Variants in GART observed in about 807,000 individuals in gnomAD.
GART encodes the protein trifunctional purine biosynthetic protein adenosine-3.
A neutral mutation model predicts 107.2 loss-of-function variants in GART; 43 were observed. That is an observed-to-expected ratio of 0.40 (90% CI 0.31 to 0.52). The LOEUF (loss-of-function observed/expected upper bound fraction) is 0.52, where lower values mean the gene tolerates loss of function less well. GART is among the 20% of genes least tolerant of loss of function. The pLI is 0.52. For synonymous variants in GART, 434 were observed against 427.0 expected, an observed-to-expected ratio of 1.02 and a Z score of -0.20; for missense variants, 1,107 against 1,206.5, an observed-to-expected ratio of 0.92 and a Z score of 1.22.
chr21:33,528,149 T>C lies in GART; in HGVS notation c.1066+18A>G, dbSNP rs760325092. The C allele has an allele frequency of 2.5e-6, 4 of 1,611,428 alleles. No individual in the cohort carries two copies. In the South Asian group the frequency reaches 4.4e-5, roughly 18 times the overall value. The stretch of plus-strand genomic sequence containing the variant: ...ACTTGTCACGTTGTACTCCAACCTC[T>C]TGCTCCCTGACACTCACCTGTTATC... On this transcript the variant is annotated intron_variant, in intron 10 of 21. Transcript: ENST00000381815.
intron 2 of GART, among the ~76,000 whole-genome samples, chr21:33,537,545 C>T (rs1181545602): frequency 3.3e-5 from 5 of 152,158 alleles, no homozygotes; most frequent in Non-Finnish European, 5.9e-5. Context: ...TAAACACAGA[C>T]ATTCATGATC....
intron 16 of GART, among the ~76,000 whole-genome samples, chr21:33,515,631 C>T (rs1487557785): frequency 5.1e-5 from 6 of 118,478 alleles, no homozygotes; most frequent in Admixed American, 2.4e-4. Context: ...TCCAGCCTGG[C>T]GACAGAGCAA....
At chr21:33,527,881 G>C (rs1013329889) in intron 10 of GART, among the ~76,000 whole-genome samples, 3 of 151,978 alleles carry the variant, frequency 2.0e-5, no homozygotes, top group Non-Finnish European at 2.9e-5. Context: ...TATTACCCTG[G>C]CTCTAGGCAG....
intron 1 of GART, among the ~76,000 whole-genome samples, chr21:33,541,782 G>A (rs115281929): frequency 2.0e-5 from 3 of 152,204 alleles, no homozygotes; most frequent in East Asian, 1.9e-4. Context: ...AGAGACAACG[G>A]GTGCATAAAG....
intron 10 of GART, 68 bp downstream of exon 10, chr21:33,528,099 G>C (rs1193658570): frequency 6.2e-6 from 9 of 1,447,620 alleles, no homozygotes; most frequent in Non-Finnish European, 8.7e-6. Flanking sequence ...CTTAGTGTGA[G>C]AGGGGGGTCT....
At position 33,534,678 on chromosome 21, in the gene GART, C is replaced by G; in HGVS notation, c.317G>C (p.Ser106Thr). 6.2e-7 allele frequency: 1 copy of G among 1,613,694 alleles called. No individual in the cohort carries two copies. The highest frequency in any genetic ancestry group is 8.5e-7 in the Non-Finnish European group (1 of 1,179,798). ...PTAEAAQLES[S>T]KRFAKEFMDR... ...CATAAACTCTTTGGCAAACCTTTTG[C>G]TGGACTCTAACTGAGCCGCTTCTGC... The change falls in exon 4 of 22, where the codon AGC becomes ACC. Residue 106 changes from serine (S) to threonine (T), a missense_variant. Ser to Thr is a moderately conservative substitution (Grantham distance 58). Transcript: ENST00000381815.
intron 8 of GART, 29 bp from the exon 9 acceptor site, chr21:33,528,633 G>T: frequency 1.3e-6 from 1 of 747,954 alleles, no homozygotes; most frequent in Non-Finnish European, 1.9e-6. Flanking sequence ...AAAAAAAAAA[G>T]AGAGAAAGAA....
rs748705223 is a variant in GART at position 33,522,273 on chromosome 21, A to G, written c.1308T>C (p.Thr436=). 1.1e-5 allele frequency: 17 copies of G among 1,611,366 alleles called. No individual in the cohort carries two copies. The South Asian group carries it at 1.9e-4, about 18-fold the overall frequency. The change falls in exon 12 of 22, where the codon ACT becomes ACC. Residue 436 remains threonine, a synonymous_variant. Transcript: ENST00000381815. ...IAFLQQPRSL[T]YKESGVDIAA... ...CGATATCTACTCCAGATTCCTTGTA[A>G]GTCAAACTCCTAAAGAATTAAAAAC...
chr21:33,520,612 G>A lies in GART; in HGVS notation c.1504-50C>T, dbSNP rs1387116193. 6 of 1,501,176 alleles carry A rather than the reference G, an allele frequency of 4.0e-6. No individual in the cohort carries two copies. In the Admixed American group the frequency reaches 8.9e-5, roughly 22 times the overall value. The allele number at this position is 1,501,176 out of a possible 1,614,324, so 93.0% of individuals were successfully genotyped here. ...CACATTAGGGAATAAGTTCAAAATT[G>A]TATCTTATCCATTTGATTAGCTGCT... On this transcript the variant is annotated intron_variant, in intron 13 of 21. Transcript: ENST00000381815.
At chr21:33,511,107 C>T in intron 17 of GART, 145 bp downstream of exon 17, 1 of 778,642 alleles carries the variant, frequency 1.3e-6, no homozygotes, top group Non-Finnish European at 2.2e-6. Context: ...GGGGTGGGTG[C>T]TGTCATGTTA....
rs35083461 is a variant in GART, at chr21:33,525,084, CTTTTT to C, written c.1067-89_1067-85del. On this transcript the variant is annotated intron_variant, in intron 10 of 21. Coordinates refer to ENST00000381815, the MANE Select transcript of GART (RefSeq NM_000819.5). ...AGTGATTTACGATTTCCACAAGTTT[CTTTTT>C]TTTTTTTTTTAACTTGGCTAGGTGC... 50 of 1,364,890 alleles carry C rather than the reference CTTTTT, an allele frequency of 3.7e-5. No individual in the cohort carries two copies. The African/African-American group carries it at 4.9e-4, about 13-fold the overall frequency. The allele number at this position is 1,364,890 out of a possible 1,614,324, so 84.5% of individuals were successfully genotyped here.
At position 33,517,019 on chromosome 21, in the gene GART, C is replaced by T; in HGVS notation, c.2077G>A (p.Val693Ile). ...GGGLLENIPR[V>I]LPEKLGVDLD... ...TCTACCCCAAGTTTCTCAGGGAGGA[C>T]TCTGGGGATGTTCTCTAGTAATCCT... Residue 693 changes from valine (V) to isoleucine (I), a missense_variant, in exon 16 of 22, where the codon GTC becomes ATC. Val to Ile is a conservative substitution (Grantham distance 29, BLOSUM62 3). Transcript: ENST00000381815. The T allele has an allele frequency of 1.9e-6, 3 of 1,612,158 alleles. No individual in the cohort carries two copies. Among genetic ancestry groups the T allele is most frequent in the Non-Finnish European group, 2.5e-6 (3 of 1,179,476 alleles).
At chr21:33,506,213 G>T in intron 18 of GART, 109 bp from the exon 19 acceptor site, 1 of 1,221,806 alleles carries the variant, frequency 8.2e-7, no homozygotes, top group South Asian at 1.6e-5. Flanking sequence ...CCACGATCTG[G>T]GTTCACTGCA....
intron 7 of GART, 185 bp downstream of exon 7, chr21:33,530,574 A>G (rs773794365): frequency 2.9e-4 from 147 of 506,010 alleles, no homozygotes; most frequent in Non-Finnish European, 3.9e-4. Flanking sequence ...TAGTTCTTCA[A>G]AAAAGGCTTT....
chr21:33,512,192 G>A (rs1385198332), intron 16 of GART, among the ~76,000 whole-genome samples: 1 of 149,488 alleles, frequency 6.7e-6, no homozygotes, highest in African/African-American at 2.5e-5. Context: ...GCTGAGGCAG[G>A]AGAATCACTT....
intron 13 of GART, 58 bp from the exon 14 acceptor site, chr21:33,520,620 T>C (rs1321197884): frequency 1.4e-6 from 2 of 1,451,700 alleles, no homozygotes; most frequent in Admixed American, 3.7e-5. Flanking sequence ...TTGTATCTTA[T>C]CCATTTGATT....
At chr21:33,536,891 T>G (rs1601230928) in intron 2 of GART, among the ~76,000 whole-genome samples, 1 of 152,340 alleles carries the variant, frequency 6.6e-6, no homozygotes, top group East Asian at 1.9e-4. Flanking sequence ...ATTTTCCATT[T>G]AATATTTTGG....
chr21:33,523,391 C>T (rs1487721674), intron 11 of GART, among the ~76,000 whole-genome samples: 7 of 152,124 alleles, frequency 4.6e-5, no homozygotes, highest in Non-Finnish European at 1.5e-5. Flanking sequence ...GTGGCATTTC[C>T]ATTTTTTCAT....
chr21:33,509,622 A>C (rs1162111390), intron 18 of GART, 161 bp downstream of exon 18: 10 of 591,796 alleles, frequency 1.7e-5, no homozygotes, highest in Non-Finnish European at 2.1e-5. Flanking sequence ...AATTCCTAAG[A>C]AAAGTGGAAA....
Sources: gnomAD v4.1 joint callset for allele counts (sites outside exome capture counted in the v4.1 genomes callset) on GRCh38, gnomAD v4.1.1 for gene constraint, MANE v1.5 for transcripts, NCBI Gene and HGNC (gene_info 2026-07-23, HGNC 2026-07-21) for gene names.